MACROD2: variants seen among roughly 807,000 people sequenced by gnomAD.
The protein encoded by MACROD2 is ADP-ribose glycohydrolase MACROD2.
A neutral mutation model predicts 70.4 loss-of-function variants in MACROD2; 36 were observed. That is an observed-to-expected ratio of 0.51 (90% CI 0.39 to 0.68). The LOEUF (loss-of-function observed/expected upper bound fraction) is 0.68. MACROD2 is among the 30% of genes least tolerant of loss of function. The pLI is 0.00. For synonymous variants in MACROD2, 172 were observed against 178.8 expected (o/e 0.96, Z 0.30); for missense variants, 496 against 538.4 (o/e 0.92, Z 0.78).
chr20:15,164,433 T>C (rs141063736), intron 5 of MACROD2, among the ~76,000 whole-genome samples: 1 of 152,160 alleles, frequency 6.6e-6, no homozygotes, highest in Non-Finnish European at 1.5e-5. Context: ...GGAACAACTG[T>C]AATTTATTGG....
chr20:14,264,035 T>G (rs1289454862), intron 3 of MACROD2, among the ~76,000 whole-genome samples: 2 of 119,838 alleles, frequency 1.7e-5, no homozygotes, highest in Admixed American at 8.5e-5. Flanking sequence ...ACAACACAAG[T>G]GAAGGAAAAA....
At chr20:15,100,001 A>C (rs1017660998) in intron 5 of MACROD2, among the ~76,000 whole-genome samples, 1 of 152,158 alleles carries the variant, frequency 6.6e-6, no homozygotes, top group African/African-American at 2.4e-5. Flanking sequence ...CTTGTTATAA[A>C]ATTACAAAGA....
At chr20:14,325,850 G>A (rs367663940) in intron 3 of MACROD2, 1 of 1,613,882 alleles carries the variant, frequency 6.2e-7, no homozygotes, top group Non-Finnish European at 8.5e-7. Context: ...CCATTCCTAT[G>A]AACATACCAA....
At position 15,992,990 on chromosome 20, in the gene MACROD2, A is replaced by T. The variant is rs961711024; in HGVS notation, c.1153+5832A>T. ...AACATAATATTGTTTTACATATATG[A>T]TCCTGAAATACTTCAGAAAATTAAC... On this transcript the variant is annotated intron_variant, in intron 15 of 17. Coordinates refer to ENST00000684519, the MANE Select transcript of MACROD2 (RefSeq NM_001351661.2). 2.0e-5 allele frequency among the ~76,000 whole-genome samples: 3 copies of T among 152,200 alleles called. No individual in the cohort carries two copies. The South Asian group carries it at 6.2e-4, about 31-fold the overall frequency.
intron 2 of MACROD2, among the ~76,000 whole-genome samples, chr20:14,060,735 G>A (rs1601172962): frequency 6.6e-6 from 1 of 152,074 alleles, no homozygotes; most frequent in East Asian, 1.9e-4. Flanking sequence ...TTTATAGATT[G>A]GCTTTGTAGT....
intron 5 of MACROD2, among the ~76,000 whole-genome samples, chr20:15,065,523 C>CG (rs1343717953): frequency 4.6e-5 from 7 of 151,972 alleles, no homozygotes; most frequent in African/African-American, 1.7e-4. Context: ...GGCTCGGTGG[C>CG]AGCGGCTGTA....
chr20:15,244,860 T>C (rs569401137), intron 6 of MACROD2, among the ~76,000 whole-genome samples: 4 of 152,240 alleles, frequency 2.6e-5, no homozygotes, highest in South Asian at 2.1e-4. Flanking sequence ...AGGCAAATGA[T>C]ACAAATTAGG....
At chr20:14,979,212 G>A (rs772855520) in intron 5 of MACROD2, among the ~76,000 whole-genome samples, 6 of 151,198 alleles carry the variant, frequency 4.0e-5, no homozygotes, top group Non-Finnish European at 4.4e-5. Flanking sequence ...CTCCTACCTC[G>A]GCCTTCTAAA....
chr20:14,459,659 T>C (rs2084345397), intron 3 of MACROD2, among the ~76,000 whole-genome samples: 1 of 152,078 alleles, frequency 6.6e-6, no homozygotes, highest in Non-Finnish European at 1.5e-5. Context: ...GGTTTTTGTT[T>C]ATCTAAATGT....
chr20:14,512,730 T>C (rs2085044557), intron 4 of MACROD2, among the ~76,000 whole-genome samples: 1 of 152,066 alleles, frequency 6.6e-6, no homozygotes, highest in East Asian at 1.9e-4. Context: ...TTTTTTGTCC[T>C]CTCGTGCCTC....
chr20:15,631,644 G>C (rs1027859511), intron 8 of MACROD2, among the ~76,000 whole-genome samples: 1 of 152,148 alleles, frequency 6.6e-6, no homozygotes, highest in Non-Finnish European at 1.5e-5. Flanking sequence ...TGGAGGGACA[G>C]GGCTTGGGCA....
At chr20:15,406,776 A>T (rs988780024) in intron 6 of MACROD2, among the ~76,000 whole-genome samples, 1 of 152,208 alleles carries the variant, frequency 6.6e-6, no homozygotes, top group Non-Finnish European at 1.5e-5. Flanking sequence ...AATTGATAGC[A>T]GCTGAGCACA....
At chr20:14,468,298 A>G (rs373694583) in intron 3 of MACROD2, among the ~76,000 whole-genome samples, 1 of 151,828 alleles carries the variant, frequency 6.6e-6, no homozygotes, top group Non-Finnish European at 1.5e-5. Context: ...GTGCTCCTAT[A>G]TTGGGTGCAT....
intron 8 of MACROD2, among the ~76,000 whole-genome samples, chr20:15,808,058 C>A (rs2063785295): frequency 6.6e-6 from 1 of 151,972 alleles, no homozygotes; most frequent in South Asian, 2.1e-4. Context: ...CAGTCACGTA[C>A]CCCCTCCTTG....
chr20:14,311,761 A>AC (rs200911389), intron 3 of MACROD2, among the ~76,000 whole-genome samples: 2,287 of 150,730 alleles, frequency 0.015, 23 homozygotes, highest in African/African-American at 0.027. Flanking sequence ...CAAATGATCC[A>AC]CCCCCCATGG....
intron 7 of MACROD2, among the ~76,000 whole-genome samples, chr20:15,498,827 C>G (rs2047330148): frequency 6.6e-6 from 1 of 152,076 alleles, no homozygotes; most frequent in South Asian, 2.1e-4. Flanking sequence ...AATAAAAATT[C>G]TGTGAGAGGA....
At chr20:15,057,091 C>T (rs1160671611) in intron 5 of MACROD2, among the ~76,000 whole-genome samples, 1 of 152,062 alleles carries the variant, frequency 6.6e-6, no homozygotes, top group Non-Finnish European at 1.5e-5. Flanking sequence ...TCATTTTATG[C>T]CCTACCATAT....
intron 8 of MACROD2, among the ~76,000 whole-genome samples, chr20:15,723,415 G>A (rs1026996370): frequency 7.2e-5 from 11 of 152,234 alleles, no homozygotes; most frequent in African/African-American, 2.6e-4. Context: ...TTTCACCGTG[G>A]TAACAATTCT....
At chr20:15,535,642 A>G (rs991198937) in intron 8 of MACROD2, among the ~76,000 whole-genome samples, 6 of 152,314 alleles carry the variant, frequency 3.9e-5, no homozygotes, top group African/African-American at 9.6e-5. Context: ...AGAGTGAGCC[A>G]CAATGGATGG....
Sources: gnomAD v4.1 joint callset for allele counts (sites outside exome capture counted in the v4.1 genomes callset) on GRCh38, gnomAD v4.1.1 for gene constraint, MANE v1.5 for transcripts, NCBI Gene and HGNC (gene_info 2026-07-23, HGNC 2026-07-21) for gene names.